The following PXDNL variants were observed in gnomAD, a reference collection of about 807,000 sequenced individuals.
PXDNL encodes the protein peroxidasin like.
In PXDNL, 145 loss-of-function variants were observed where a neutral mutation model predicts 150.8. The observed-to-expected ratio is 0.96, with a 90% CI of 0.84 to 1.10. The LOEUF is 1.10. PXDNL is among the 50% of genes least tolerant of loss of function. The probability of loss-of-function intolerance (pLI) is 0.00; values close to 1 mark genes in which losing one functional copy is unlikely to be tolerated. For synonymous variants in PXDNL, 757 were observed against 725.7 expected (o/e 1.04, Z -0.69); for missense variants, 2,087 against 1,873.9 (o/e 1.11, Z -2.10).
intron 14 of PXDNL, among the ~76,000 whole-genome samples, chr8:51,420,747 G>C (rs539104403): frequency 7.2e-5 from 11 of 152,190 alleles, no homozygotes; most frequent in Non-Finnish European, 1.6e-4. Context: ...CTGGAGTGCA[G>C]TGGTGTGATC....
intron 12 of PXDNL, among the ~76,000 whole-genome samples, chr8:51,434,253 G>T (rs1377694532): frequency 2.0e-5 from 3 of 152,188 alleles, no homozygotes; most frequent in Non-Finnish European, 4.4e-5. Flanking sequence ...AAAGCCTGTT[G>T]TTAGTTTAAA....
chr8:51,528,347 A>G (rs759933238), intron 4 of PXDNL, among the ~76,000 whole-genome samples: 3 of 152,176 alleles, frequency 2.0e-5, no homozygotes, highest in Non-Finnish European at 2.9e-5. Flanking sequence ...AAAAATGCGC[A>G]GATGCCCAAT....
At position 51,537,181 on chromosome 8, in the gene PXDNL, G is replaced by GA. The variant is rs545038752; in HGVS notation, c.380+19658dup. Among the ~76,000 whole-genome samples, 70 of 152,148 alleles carry GA rather than the reference G, an allele frequency of 4.6e-4. 1 individual carries two copies. The South Asian group carries it at 0.014, about 30-fold the overall frequency. ...ACATTAGAGTCTCTTGGGGAACTTTGAAAAAAACCACTGATGCCAGCACCC... is the reference window on the plus strand; with the variant it reads ...ACATTAGAGTCTCTTGGGGAACTTTGAAAAAAAACCACTGATGCCAGCACCC... On this transcript the variant is annotated intron_variant, in intron 4 of 22. Coordinates refer to ENST00000356297, the MANE Select transcript of PXDNL (RefSeq NM_144651.5).
At chr8:51,567,155 C>T (rs563787098) in intron 3 of PXDNL, among the ~76,000 whole-genome samples, 27 of 151,478 alleles carry the variant, frequency 1.8e-4, no homozygotes, top group African/African-American at 6.5e-4. Flanking sequence ...TGTATGCTTT[C>T]TATTTTTTTA....
At position 51,580,944 on chromosome 8, in the gene PXDNL, T is replaced by C. The variant is rs146331459; in HGVS notation, c.308+11683A>G. 1.8e-3 allele frequency among the ~76,000 whole-genome samples: 277 copies of C among 152,252 alleles called. 1 individual carries two copies. Among genetic ancestry groups the C allele is most frequent in the Middle Eastern group, 6.8e-3 (2 of 294 alleles). ...TTTTGCATAATTAGCAAATATACAA[T>C]GCAAAACAGTGCTGAGTCTATTTCT... On this transcript the variant is annotated intron_variant, in intron 3 of 22. Transcript: ENST00000356297.
At chr8:51,724,847 T>G (rs879366545) in intron 1 of PXDNL, among the ~76,000 whole-genome samples, 20 of 152,154 alleles carry the variant, frequency 1.3e-4, no homozygotes, top group Non-Finnish European at 2.4e-4. Flanking sequence ...CAGCAATCAC[T>G]AAAATTCACG....
chr8:51,725,371 T>C (rs1043970461), intron 1 of PXDNL, among the ~76,000 whole-genome samples: 4 of 152,258 alleles, frequency 2.6e-5, no homozygotes, highest in Admixed American at 2.6e-4. Flanking sequence ...TGTGTTTTTA[T>C]TAGTAGTAGT....
At chr8:51,679,851 T>G (rs1477987750) in intron 1 of PXDNL, among the ~76,000 whole-genome samples, 10 of 152,176 alleles carry the variant, frequency 6.6e-5, no homozygotes, top group Non-Finnish European at 1.3e-4. Context: ...TCAGAACAAC[T>G]TCACCAGAGT....
intron 4 of PXDNL, among the ~76,000 whole-genome samples, chr8:51,535,733 ATAAAT>A (rs386725304): frequency 6.9e-6 from 1 of 145,206 alleles, no homozygotes; most frequent in Non-Finnish European, 1.5e-5. Flanking sequence ...AAATAAATAA[ATAAAT>A]AAAAATAAAG....
chr8:51,367,257 T>C (rs1806951815), intron 19 of PXDNL, among the ~76,000 whole-genome samples: 1 of 152,022 alleles, frequency 6.6e-6, no homozygotes, highest in African/African-American at 2.4e-5. Flanking sequence ...CTCATACAGA[T>C]TGATTAAAGG....
chr8:51,809,214 T>C lies in PXDNL; in HGVS notation c.131A>G (p.His44Arg). 6.2e-7 allele frequency: 1 copy of C among 1,613,822 alleles called. No homozygotes were observed. The highest frequency in any genetic ancestry group is 1.3e-5 in the African/African-American group (1 of 75,052). ...GGTCTGCTGTGGTACCTGAGGAATG[T>C]GGTCCAGCATCAAGTGCATGCAGCG... ...TVRCMHLMLD[H>R]IPQVPQQTTV... The change falls in exon 1 of 23, where the codon CAC (histidine) becomes CGC (arginine). Residue 44 changes from histidine (H) to arginine (R), a missense_variant. Physicochemically the swap from His to Arg is conservative, Grantham distance 29. Coordinates refer to ENST00000356297, the MANE Select transcript of PXDNL (RefSeq NM_144651.5).
At chr8:51,705,823 G>A (rs958514290) in intron 1 of PXDNL, among the ~76,000 whole-genome samples, 3 of 67,850 alleles carry the variant, frequency 4.4e-5, no homozygotes, top group African/African-American at 2.3e-4. Context: ...GTGTGTGTGT[G>A]TGTGTGTGTG....
At chr8:51,687,121 T>C (rs1278174137) in intron 1 of PXDNL, among the ~76,000 whole-genome samples, 1 of 152,156 alleles carries the variant, frequency 6.6e-6, no homozygotes, top group Non-Finnish European at 1.5e-5. Flanking sequence ...ATAATAATAT[T>C]AAAGAGTCTT....
chr8:51,402,188 A>C (rs1243263044), intron 17 of PXDNL, among the ~76,000 whole-genome samples: 2 of 152,200 alleles, frequency 1.3e-5, no homozygotes, highest in Non-Finnish European at 2.9e-5. Context: ...AGGTACATAT[A>C]CTGAATACAA....
chr8:51,435,308 G>A (rs555054834), intron 12 of PXDNL, among the ~76,000 whole-genome samples: 87 of 151,968 alleles, frequency 5.7e-4, no homozygotes, highest in African/African-American at 1.7e-3. Context: ...GTGATAGAGC[G>A]AGACTCTGTC....
At position 51,576,040 on chromosome 8, in the gene PXDNL, C is replaced by T. The variant is rs144557210; in HGVS notation, c.308+16587G>A. 1.5e-3 allele frequency among the ~76,000 whole-genome samples: 232 copies of T among 150,750 alleles called. 2 individuals are homozygous for T. The highest frequency in any genetic ancestry group is 5.1e-3 in the African/African-American group (211 of 40,978). On this transcript the variant is annotated intron_variant, in intron 3 of 22. Transcript: ENST00000356297. ...CATGCGAAGCAAAAAATAGAACTGA[C>T]GAGAGAAACAGATAAATGCATAGTT...
intron 1 of PXDNL, among the ~76,000 whole-genome samples, chr8:51,765,274 G>A (rs1429667885): frequency 2.0e-5 from 3 of 152,130 alleles, no homozygotes; most frequent in Non-Finnish European, 4.4e-5. Context: ...TAGTTAATAA[G>A]TCTCATGAGA....
chr8:51,809,114 C>T, intron 1 of PXDNL, 67 bp downstream of exon 1: 1 of 1,528,940 alleles, frequency 6.5e-7, no homozygotes, highest in Middle Eastern at 1.7e-4. Flanking sequence ...TAAAAGGACA[C>T]AGGTCCTAGC....
chr8:51,608,852 A>AAAG (rs1563482315), intron 2 of PXDNL, among the ~76,000 whole-genome samples: 1 of 149,376 alleles, frequency 6.7e-6, no homozygotes, highest in African/African-American at 2.5e-5. Flanking sequence ...AAAAAAAAAA[A>AAAG]AAAAAAAGAA....
Sources: gnomAD v4.1 joint callset for allele counts (sites outside exome capture counted in the v4.1 genomes callset) on GRCh38, gnomAD v4.1.1 for gene constraint, MANE v1.5 for transcripts, NCBI Gene and HGNC (gene_info 2026-07-23, HGNC 2026-07-21) for gene names.